TBC1D4: variants seen among roughly 807,000 people sequenced by gnomAD.
TBC1D4 encodes TBC (Tre-2, BUB2, CDC16) domain-containing protein.
A neutral mutation model predicts 142.5 loss-of-function variants in TBC1D4; 121 were observed. That is an observed-to-expected ratio of 0.85 (90% CI 0.73 to 0.99). The LOEUF is 0.99. Ranked by LOEUF, TBC1D4 falls within the 50% of genes least tolerant of loss-of-function variation. The pLI, the probability that TBC1D4 is intolerant of heterozygous loss-of-function variation, is 0.00. For missense variants in TBC1D4, 1,475 were observed against 1,606.6 expected, an observed-to-expected ratio of 0.92 and a Z score of 1.40; for synonymous variants, 630 against 628.2, an observed-to-expected ratio of 1.00 and a Z score of -0.04.
chr13:75,462,078 CACTGTG>C (rs1490609869), intron 1 of TBC1D4, among the ~76,000 whole-genome samples: 1 of 152,200 alleles, frequency 6.6e-6, no homozygotes, highest in Admixed American at 6.5e-5. Context: ...ATGATTAAAA[CACTGTG>C]ACAACTACAA....
At chr13:75,299,202 C>T in intron 17 of TBC1D4, 128 bp downstream of exon 17, 2 of 1,512,016 alleles carry the variant, frequency 1.3e-6, no homozygotes, top group Non-Finnish European at 8.9e-7. Flanking sequence ...AAAACATGCC[C>T]CAATCTTTAC....
At chr13:75,413,848 T>A (rs1885794911) in intron 1 of TBC1D4, among the ~76,000 whole-genome samples, 1 of 152,176 alleles carries the variant, frequency 6.6e-6, no homozygotes. Flanking sequence ...CTCTCTTCGG[T>A]GGTTCTCTAC....
At chr13:75,448,583 A>C (rs1156235972) in intron 1 of TBC1D4, among the ~76,000 whole-genome samples, 3 of 151,330 alleles carry the variant, frequency 2.0e-5, no homozygotes, top group South Asian at 2.1e-4. Flanking sequence ...AAAAAAAAAA[A>C]CAATAACAAC....
At chr13:75,415,125 C>CAAAAA (rs35852438) in intron 1 of TBC1D4, among the ~76,000 whole-genome samples, 3 of 128,842 alleles carry the variant, frequency 2.3e-5, no homozygotes, top group Non-Finnish European at 3.2e-5. Context: ...CTCCATCTCA[C>CAAAAA]AAAAAAAAAA....
In TBC1D4 at chr13:75,292,255, C is replaced by T. The variant is rs778734165; in HGVS notation, c.3333G>A (p.Gln1111=). The T allele has an allele frequency of 3.1e-6, 5 of 1,611,992 alleles. No homozygotes were observed. The highest frequency in any genetic ancestry group is 4.2e-6 in the Non-Finnish European group (5 of 1,179,250). ...VARVFDIIFL[Q]GTEVIFKVAL... ...CAACCTTGAATATAACTTCAGTTCCCTGAAGAAAAATAATATCTAAAAGAA... is the reference window on the plus strand; with the variant it reads ...CAACCTTGAATATAACTTCAGTTCCTTGAAGAAAAATAATATCTAAAAGAA... The change falls in exon 19 of 21, where the codon CAG becomes CAA. Residue 1111 remains glutamine, a synonymous_variant. Coordinates refer to ENST00000377636, the MANE Select transcript of TBC1D4 (RefSeq NM_014832.5).
At chr13:75,348,947 G>A (rs1881369062) in intron 5 of TBC1D4, among the ~76,000 whole-genome samples, 1 of 126,608 alleles carries the variant, frequency 7.9e-6, no homozygotes, top group Non-Finnish European at 1.6e-5. Context: ...AGTAGAGAGA[G>A]AGAGAGAGTG....
chr13:75,480,787 G>A (rs1888813919), intron 1 of TBC1D4, among the ~76,000 whole-genome samples: 1 of 152,160 alleles, frequency 6.6e-6, no homozygotes, highest in African/African-American at 2.4e-5. Context: ...CAGCCAAACC[G>A]GTTAAGGATT....
At chr13:75,343,163 T>A (rs1196472508) in intron 5 of TBC1D4, among the ~76,000 whole-genome samples, 2 of 152,250 alleles carry the variant, frequency 1.3e-5, no homozygotes, top group Non-Finnish European at 2.9e-5. Context: ...TGAAGTAAAC[T>A]GATTTAATAG....
At chr13:75,347,571 T>C (rs1476529377) in intron 5 of TBC1D4, among the ~76,000 whole-genome samples, 1 of 152,224 alleles carries the variant, frequency 6.6e-6, no homozygotes, top group Non-Finnish European at 1.5e-5. Flanking sequence ...TTTCTTTTAA[T>C]GGTTTTAATA....
intron 18 of TBC1D4, among the ~76,000 whole-genome samples, chr13:75,294,012 T>C (rs1265153783): frequency 6.6e-6 from 1 of 152,202 alleles, no homozygotes; most frequent in Non-Finnish European, 1.5e-5. Context: ...AAATAGATTA[T>C]CAGAACATAA....
intron 13 of TBC1D4, among the ~76,000 whole-genome samples, chr13:75,311,416 T>C (rs2137934699): frequency 6.6e-6 from 1 of 152,298 alleles, no homozygotes; most frequent in South Asian, 2.1e-4. Context: ...TTTTCTTCTA[T>C]TTTCTTCTTT....
At chr13:75,410,035 CTTAAAACTCAG>C (rs1423061282) in intron 1 of TBC1D4, among the ~76,000 whole-genome samples, 1 of 152,170 alleles carries the variant, frequency 6.6e-6, no homozygotes, top group African/African-American at 2.4e-5. Context: ...TGCCACTTAC[CTTAAAACTCAG>C]TTGCCTGCCT....
At chr13:75,374,846 G>C (rs1158636580) in intron 1 of TBC1D4, among the ~76,000 whole-genome samples, 1 of 152,072 alleles carries the variant, frequency 6.6e-6, no homozygotes, top group Non-Finnish European at 1.5e-5. Flanking sequence ...TGACGTATCA[G>C]CTATAATAGA....
intron 1 of TBC1D4, among the ~76,000 whole-genome samples, chr13:75,422,270 G>GAA (rs994510356): frequency 1.3e-4 from 19 of 146,488 alleles, no homozygotes; most frequent in Non-Finnish European, 2.3e-4. Context: ...AACTGGCTGT[G>GAA]AAAAAAAAAA....
intron 1 of TBC1D4, among the ~76,000 whole-genome samples, chr13:75,432,821 G>A (rs1886645166): frequency 6.6e-6 from 1 of 151,726 alleles, no homozygotes; most frequent in Admixed American, 6.6e-5. Flanking sequence ...GCAAGAAGTG[G>A]CATTGGCATT....
At chr13:75,430,670 T>C (rs1007392951) in intron 1 of TBC1D4, among the ~76,000 whole-genome samples, 1 of 152,234 alleles carries the variant, frequency 6.6e-6, no homozygotes, top group African/African-American at 2.4e-5. Flanking sequence ...GTTTATTATA[T>C]GTGCAGATGG....
Position 75,324,260 on chromosome 13 carries a change from G to A in TBC1D4, c.2175C>T (p.Ser725=), listed in dbSNP as rs770787243. 2 of 1,613,844 alleles carry A rather than the reference G, an allele frequency of 1.2e-6. No individual in the cohort carries two copies. Among genetic ancestry groups the A allele is most frequent in the South Asian group, 2.2e-5 (2 of 91,066 alleles). The change falls in exon 11 of 21, where the codon TCC becomes TCT. Residue 725 remains serine, a synonymous_variant. Transcript: ENST00000377636. ...KSFYQNSGRL[S]PQYENEIRQD... The stretch of plus-strand genomic sequence containing the variant: ...ACCTGATTTCATTTTCATACTGTGG[G>A]GACAGTCTACCTGAATTCTGGTAAA...
chr13:75,325,130 G>GA (rs907078507), intron 10 of TBC1D4, among the ~76,000 whole-genome samples: 2 of 149,002 alleles, frequency 1.3e-5, no homozygotes, highest in South Asian at 2.1e-4. Context: ...ATTTTTCCTG[G>GA]AAAAAAAAAG....
chr13:75,382,404 T>G (rs1247981276), intron 1 of TBC1D4, among the ~76,000 whole-genome samples: 1 of 152,172 alleles, frequency 6.6e-6, no homozygotes, highest in Non-Finnish European at 1.5e-5. Flanking sequence ...CTGCTCCAAC[T>G]TTTTTCCTTG....
Sources: gnomAD v4.1 joint callset for allele counts (sites outside exome capture counted in the v4.1 genomes callset) on GRCh38, gnomAD v4.1.1 for gene constraint, MANE v1.5 for transcripts, NCBI Gene and HGNC (gene_info 2026-07-23, HGNC 2026-07-21) for gene names.